The following FBXO42 variants were observed in gnomAD, a reference collection of about 807,000 sequenced individuals.
FBXO42 encodes the protein F-box only protein 42.
A neutral mutation model predicts 71.7 loss-of-function variants in FBXO42; 12 were observed. That is an observed-to-expected ratio of 0.17 (90% CI 0.11 to 0.27). The LOEUF (loss-of-function observed/expected upper bound fraction) is 0.27, where lower values mean the gene tolerates loss of function less well. Among genes scored for constraint, FBXO42 ranks in the 10% least tolerant of loss-of-function variants. The pLI is 1.00. For missense variants in FBXO42, 707 were observed against 911.9 expected (o/e 0.78, Z 2.89); for synonymous variants, 325 against 327.5 (o/e 0.99, Z 0.08).
At chr1:16,259,181 C>T (rs1391857473) in intron 4 of FBXO42, among the ~76,000 whole-genome samples, 1 of 152,172 alleles carries the variant, frequency 6.6e-6, no homozygotes, top group African/African-American at 2.4e-5. Context: ...CATTTACCTC[C>T]CCAAGGGGAT....
intron 1 of FBXO42, among the ~76,000 whole-genome samples, chr1:16,328,602 C>T (rs796986299): frequency 1.1e-4 from 16 of 152,088 alleles, no homozygotes; most frequent in South Asian, 4.1e-4. Flanking sequence ...TAAATATTTA[C>T]AATTGGTGCA....
chr1:16,351,754 C>A (rs1253107817), intron 1 of FBXO42, among the ~76,000 whole-genome samples: 1 of 152,178 alleles, frequency 6.6e-6, no homozygotes, highest in Non-Finnish European at 1.5e-5. Context: ...GAACACTCAA[C>A]AAGCTAGGGG....
chr1:16,301,023 C>T (rs752565685), intron 3 of FBXO42, among the ~76,000 whole-genome samples: 34 of 151,672 alleles, frequency 2.2e-4, no homozygotes, highest in Admixed American at 4.6e-4. Flanking sequence ...CTCAGCCTCC[C>T]GAGTAGCTGG....
chr1:16,295,330 C>T (rs947182159), intron 3 of FBXO42, among the ~76,000 whole-genome samples: 2 of 152,198 alleles, frequency 1.3e-5, no homozygotes, highest in African/African-American at 2.4e-5. Context: ...CTCCAATTCT[C>T]CTATTGTTTT....
Position 16,312,299 on chromosome 1 carries a change from T to A in FBXO42, c.250+2870A>T, listed in dbSNP as rs1053881631. Among the ~76,000 whole-genome samples, 8 of 151,910 alleles carry A rather than the reference T, an allele frequency of 5.3e-5. No homozygotes were observed. In the South Asian group the frequency reaches 1.5e-3, roughly 28 times the overall value. ...ATGACTTGAGCCCGGGAGACGGAGG[T>A]TGCAGTGAGCCAAAATCGCACCAAT... On this transcript the variant is annotated intron_variant, in intron 2 of 9. Transcript: ENST00000375592.
At chr1:16,295,401 CT>C (rs1202210955) in intron 3 of FBXO42, among the ~76,000 whole-genome samples, 1 of 150,192 alleles carries the variant, frequency 6.7e-6, no homozygotes, top group Non-Finnish European at 1.5e-5. Context: ...TTCTTTCTTT[CT>C]TTTTTTGAGA....
At chr1:16,313,870 T>A (rs909967015) in intron 2 of FBXO42, among the ~76,000 whole-genome samples, 1 of 152,160 alleles carries the variant, frequency 6.6e-6, no homozygotes, top group African/African-American at 2.4e-5. Flanking sequence ...TAAGATGCAA[T>A]GAAGCCACTA....
At chr1:16,284,618 T>TC (rs1438873971) in intron 4 of FBXO42, among the ~76,000 whole-genome samples, 2 of 151,622 alleles carry the variant, frequency 1.3e-5, no homozygotes, top group Non-Finnish European at 2.9e-5. Flanking sequence ...GATCACAAGG[T>TC]CAGGAGTTCA....
chr1:16,321,445 G>A (rs74055521), intron 1 of FBXO42, among the ~76,000 whole-genome samples: 4,053 of 152,162 alleles, frequency 0.027, 182 homozygotes, highest in African/African-American at 0.09. Context: ...CTTTTCACAC[G>A]TAAGCATACT....
At chr1:16,312,251 A>G (rs1277296797) in intron 2 of FBXO42, among the ~76,000 whole-genome samples, 1 of 152,108 alleles carries the variant, frequency 6.6e-6, no homozygotes, top group Admixed American at 6.6e-5. Flanking sequence ...GGTCCCAGCT[A>G]TTCTGGTGGC....
At chr1:16,335,063 C>CAAAAAAAAAAAAAAAAAA (rs55983316) in intron 1 of FBXO42, among the ~76,000 whole-genome samples, 3 of 68,990 alleles carry the variant, frequency 4.3e-5, no homozygotes, top group African/African-American at 6.1e-5. Context: ...CTCGTCTGTA[C>CAAAAAAAAAAAAAAAAAA]AAAAAAAAAA....
chr1:16,323,864 G>A (rs1468247864), intron 1 of FBXO42, among the ~76,000 whole-genome samples: 2 of 150,590 alleles, frequency 1.3e-5, no homozygotes, highest in Non-Finnish European at 1.5e-5. Context: ...AAAAGAAGAA[G>A]GGACTGGACT....
At chr1:16,297,731 G>A (rs1465956867) in intron 3 of FBXO42, among the ~76,000 whole-genome samples, 1 of 152,062 alleles carries the variant, frequency 6.6e-6, no homozygotes, top group African/African-American at 2.4e-5. Flanking sequence ...GCCGGGCGTG[G>A]TGGCAGGCGC....
At chr1:16,317,973 T>A (rs2082382923) in intron 1 of FBXO42, among the ~76,000 whole-genome samples, 1 of 151,766 alleles carries the variant, frequency 6.6e-6, no homozygotes, top group African/African-American at 2.4e-5. Context: ...TACAATTATA[T>A]CAAGTTCAAA....
intron 4 of FBXO42, among the ~76,000 whole-genome samples, chr1:16,271,333 T>C (rs890226316): frequency 6.7e-6 from 1 of 149,078 alleles, no homozygotes; most frequent in Non-Finnish European, 1.5e-5. Context: ...CAGGCTGGAG[T>C]GCAGTGGCAT....
At chr1:16,323,199 A>G (rs1467151608) in intron 1 of FBXO42, among the ~76,000 whole-genome samples, 1 of 148,000 alleles carries the variant, frequency 6.8e-6, no homozygotes, top group African/African-American at 2.5e-5. Flanking sequence ...CGGAGGAATC[A>G]CAAGGTCAGG....
In FBXO42 at chr1:16,248,843, G is replaced by T. The variant is rs1160777200; in HGVS notation, c.*1827C>A. The T allele has an allele frequency of 2.0e-5, 3 of 152,274 alleles. No individual in the cohort carries two copies. The highest frequency in any genetic ancestry group is 2.9e-5 in the Non-Finnish European group (2 of 68,058). The allele number at this position is 152,274 out of a possible 1,614,324, so 9.4% of individuals were successfully genotyped here. On this transcript the variant is annotated 3_prime_UTR_variant, in exon 10 of 10. Transcript: ENST00000375592. ...AAGGGAACACAAAGAGCAGTTTCTG[G>T]AACACATACCCCTCCCCACAAGCTA...
intron 4 of FBXO42, among the ~76,000 whole-genome samples, chr1:16,262,500 C>A (rs574971685): frequency 6.6e-6 from 1 of 151,936 alleles, no homozygotes; most frequent in Non-Finnish European, 1.5e-5. Flanking sequence ...TGAGGCCAGG[C>A]GTTTGAAACC....
At chr1:16,284,079 C>T (rs968706316) in intron 4 of FBXO42, among the ~76,000 whole-genome samples, 2 of 152,198 alleles carry the variant, frequency 1.3e-5, no homozygotes, top group Non-Finnish European at 2.9e-5. Context: ...AAGAACTGCT[C>T]ATTTGTTTTG....
Sources: allele counts gnomAD v4.1 joint callset (sites outside exome capture counted in the v4.1 genomes callset), GRCh38; gene constraint gnomAD v4.1.1; transcripts MANE v1.5; gene names NCBI Gene and HGNC (gene_info 2026-07-23, HGNC 2026-07-21).